NDUFAF7: variants seen among roughly 807,000 people sequenced by gnomAD.
NDUFAF7 encodes protein arginine methyltransferase NDUFAF7, mitochondrial.
A neutral mutation model predicts 47.2 loss-of-function variants in NDUFAF7; 48 were observed. That is an observed-to-expected ratio of 1.02 (90% CI 0.81 to 1.29). The LOEUF (loss-of-function observed/expected upper bound fraction) is 1.29, where lower values mean the gene tolerates loss of function less well. NDUFAF7 is among the 50% of genes most tolerant of loss of function. The probability of loss-of-function intolerance (pLI) is 0.00; values close to 1 mark genes in which losing one functional copy is unlikely to be tolerated. For synonymous variants in NDUFAF7, 217 were observed against 190.0 expected, an observed-to-expected ratio of 1.14 and a Z score of -1.17; for missense variants, 635 against 537.6, an observed-to-expected ratio of 1.18 and a Z score of -1.79.
chr2:37,264,762 A>C, the NDUFAF7 span, among the ~76,000 whole-genome samples: 1 of 152,134 alleles, frequency 6.6e-6, no homozygotes, highest in Non-Finnish European at 1.5e-5. Context: ...AAAAGACTCA[A>C]TTTGTTGTGT....
At chr2:37,233,201 T>C (rs1476976011) in intron 2 of NDUFAF7, among the ~76,000 whole-genome samples, 3 of 152,174 alleles carry the variant, frequency 2.0e-5, no homozygotes, top group African/African-American at 7.2e-5. Context: ...GTACCTTTTA[T>C]TGAGATTAAG....
In NDUFAF7 at chr2:37,242,753, A is replaced by G. The variant is rs774176371; in HGVS notation, c.681+60A>G. On this transcript the variant is annotated intron_variant, in intron 6 of 9. Transcript: ENST00000002125. ...GAATACAAAAGGCATTGTGTTGCCA[A>G]TGTTTATGGTATTTATTCAGTATAC... The G allele has an allele frequency of 9.7e-5, 125 of 1,286,858 alleles. 1 individual carries two copies. The highest frequency in any genetic ancestry group is 9.2e-5 in the Non-Finnish European group (82 of 887,032). 79.7% of individuals were successfully genotyped at this position (1,286,858 alleles called of 1,614,324 possible). A position where few individuals can be genotyped will look rare whatever the true frequency, so the allele number is the denominator to read the frequency against.
rs1384711905 is a variant in NDUFAF7, at chr2:37,235,225, G to A, written c.217-871G>A. On this transcript the variant is annotated intron_variant, in intron 2 of 9. Transcript: ENST00000002125. ...AAAGGGAGAAGGGTGAGGATTTGCA[G>A]TGGCATGGATGTCTGGACAAGCAAG... 3.3e-5 allele frequency among the ~76,000 whole-genome samples: 5 copies of A among 151,924 alleles called. No homozygotes were observed. The East Asian group carries it at 9.6e-4, about 29-fold the overall frequency.
chr2:37,254,092 T>G (rs1010831694), downstream of NDUFAF7: 7 of 769,418 alleles, frequency 9.1e-6, no homozygotes, highest in African/African-American at 1.7e-5. Flanking sequence ...AATTAATCAC[T>G]TAAGAGCACT....
intron 2 of NDUFAF7, among the ~76,000 whole-genome samples, chr2:37,234,752 C>A (rs551691117): frequency 6.6e-5 from 10 of 152,092 alleles, no homozygotes; most frequent in Admixed American, 5.2e-4. Flanking sequence ...GAGGAATGGT[C>A]CAGAGCACAG....
chr2:37,264,889 T>A, the NDUFAF7 span, among the ~76,000 whole-genome samples: 1 of 152,194 alleles, frequency 6.6e-6, no homozygotes, highest in African/African-American at 2.4e-5. Flanking sequence ...ACAAAGCCTG[T>A]CACCAAGAGC....
chr2:37,253,471 A>G, downstream of NDUFAF7: 1 of 742,026 alleles, frequency 1.3e-6, no homozygotes, highest in Admixed American at 3.0e-5. Flanking sequence ...GACAGGCGCT[A>G]CTCATAAGTA....
downstream of NDUFAF7, among the ~76,000 whole-genome samples, chr2:37,253,935 AAT>A (rs1173471581): frequency 6.6e-6 from 1 of 152,236 alleles, no homozygotes; most frequent in African/African-American, 2.4e-5. Context: ...TTGATAAATT[AAT>A]ATGTCATACT....
At chr2:37,258,007 T>C (rs765037504), downstream of NDUFAF7, among the ~76,000 whole-genome samples, 10 of 152,292 alleles carry the variant, frequency 6.6e-5, no homozygotes, top group East Asian at 3.9e-4. Flanking sequence ...AGAACACTTA[T>C]CTTGCTGCCC....
downstream of NDUFAF7, among the ~76,000 whole-genome samples, chr2:37,253,568 GTAAC>G (rs1558517887): frequency 6.6e-6 from 1 of 152,024 alleles, no homozygotes; most frequent in Non-Finnish European, 1.5e-5. Flanking sequence ...ATGAATGAAC[GTAAC>G]TAATTTCTGA....
At chr2:37,246,807 C>T (rs557679704) in intron 8 of NDUFAF7, among the ~76,000 whole-genome samples, 1 of 152,128 alleles carries the variant, frequency 6.6e-6, no homozygotes, top group Non-Finnish European at 1.5e-5. Flanking sequence ...TACTCATTCT[C>T]TAGCCTTACC....
chr2:37,232,055 C>A (rs770532499), intron 1 of NDUFAF7, 51 bp from the exon 2 acceptor site: 4 of 1,613,652 alleles, frequency 2.5e-6, no homozygotes, highest in South Asian at 2.2e-5. Flanking sequence ...GGCTTGCGCT[C>A]GTGAATGGTC....
downstream of NDUFAF7, chr2:37,250,371 C>G (rs1460809744): frequency 2.0e-5 from 3 of 152,058 alleles, no homozygotes; most frequent in Non-Finnish European, 4.4e-5. Flanking sequence ...TATCTTAACA[C>G]CTAGAAAGTT....
At chr2:37,242,056 A>T in intron 5 of NDUFAF7, 1 of 504,038 alleles carries the variant, frequency 2.0e-6, no homozygotes, top group Non-Finnish European at 3.5e-6. Flanking sequence ...GTATTTCCCT[A>T]TAGCTAGGGT....
the NDUFAF7 span, chr2:37,259,644 A>G: frequency 6.2e-7 from 1 of 1,613,434 alleles, no homozygotes; most frequent in Non-Finnish European, 8.5e-7. Context: ...ACAGTGCACA[A>G]TATTCTTAAA....
chr2:37,246,833 G>A (rs1040917167), intron 8 of NDUFAF7, among the ~76,000 whole-genome samples: 1 of 152,120 alleles, frequency 6.6e-6, no homozygotes, highest in African/African-American at 2.4e-5. Context: ...GATTCTGACT[G>A]ACCAGGTCTG....
At chr2:37,265,931 C>T in the NDUFAF7 span, among the ~76,000 whole-genome samples, 1 of 152,138 alleles carries the variant, frequency 6.6e-6, no homozygotes. Context: ...TGTTTGTGAT[C>T]AAGAAGAAAT....
chr2:37,253,466 G>A (rs1312053049), downstream of NDUFAF7: 4 of 795,822 alleles, frequency 5.0e-6, no homozygotes, highest in Non-Finnish European at 5.8e-6. Context: ...TAATTGACAG[G>A]CGCTACTCAT....
the NDUFAF7 span, chr2:37,268,123 T>A: frequency 1.4e-5 from 5 of 346,418 alleles, no homozygotes; most frequent in Non-Finnish European, 2.3e-5. Context: ...TGCTACAGAT[T>A]AAGCAGTGAA....
Sources: gnomAD v4.1 joint callset for allele counts (sites outside exome capture counted in the v4.1 genomes callset) on GRCh38, gnomAD v4.1.1 for gene constraint, MANE v1.5 for transcripts, NCBI Gene and HGNC (gene_info 2026-07-23, HGNC 2026-07-21) for gene names.